Variants in PLEK2 observed in about 807,000 individuals in gnomAD.
PLEK2 encodes the protein pleckstrin 2, also known as pleckstrin-2.
A neutral mutation model predicts 43.8 loss-of-function variants in PLEK2; 29 were observed. The observed-to-expected ratio is 0.66, with a 90% CI of 0.49 to 0.90. PLEK2 has a LOEUF of 0.90. PLEK2 is among the 40% of genes least tolerant of loss of function. The pLI, the probability that PLEK2 is intolerant of heterozygous loss-of-function variation, is 0.00. For missense variants in PLEK2, 398 were observed against 448.1 expected (o/e 0.89, Z 1.01); for synonymous variants, 162 against 173.2 (o/e 0.94, Z 0.51).
intron 6 of PLEK2, among the ~76,000 whole-genome samples, chr14:67,391,645 T>C (rs1176098652): frequency 6.6e-6 from 1 of 152,310 alleles, no homozygotes; most frequent in Non-Finnish European, 1.5e-5. Flanking sequence ...GTATACAATA[T>C]GTGCACAAAC....
At position 67,387,454 on chromosome 14, in the gene PLEK2, C is replaced by A; in HGVS notation, c.937G>T (p.Val313Phe). 2 of 1,602,586 alleles carry A rather than the reference C, an allele frequency of 1.2e-6. No individual in the cohort carries two copies. The highest frequency in any genetic ancestry group is 1.7e-6 in the Non-Finnish European group (2 of 1,176,144). ...AGGTTTCCCTGGACATTCCCTTTAA[C>A]CCCTAGGCAGAAAAAAGGGGGAAAA... ...ALEDNGVPTG[V>F]KGNVQGNLFK... The change falls in exon 9 of 9, where the codon GTT becomes TTT. Residue 313 changes from valine to phenylalanine, a missense_variant and splice_region_variant. Transcript: ENST00000216446.
chr14:67,406,487 C>T (rs2086080070), intron 1 of PLEK2, among the ~76,000 whole-genome samples: 1 of 152,002 alleles, frequency 6.6e-6, no homozygotes, highest in African/African-American at 2.4e-5. Context: ...TGGGGAGACT[C>T]CCCGTGGTTC....
intron 2 of PLEK2, 139 bp downstream of exon 2, chr14:67,397,523 G>C: frequency 1.5e-6 from 1 of 661,102 alleles, no homozygotes; most frequent in Non-Finnish European, 2.5e-6. Flanking sequence ...CCTGGTATGT[G>C]GCGGAGCCAG....
chr14:67,402,186 C>T lies in PLEK2; in HGVS notation c.43-4360G>A, dbSNP rs181983545. Among the ~76,000 whole-genome samples, 27 of 152,232 alleles carry T rather than the reference C, an allele frequency of 1.8e-4. No homozygotes were observed. The East Asian group carries it at 2.9e-3, about 16-fold the overall frequency. On this transcript the variant is annotated intron_variant, in intron 1 of 8. Coordinates refer to ENST00000216446, the MANE Select transcript of PLEK2 (RefSeq NM_016445.3). ...TACAGAGATGTTATACTTTCCTGGA[C>T]GAAATGTTACATTTCCCAGAGTTTC...
rs2085959624 is a variant in PLEK2, at chr14:67,390,675, A to C, written c.843T>G (p.Tyr281Ter). The change falls in exon 7 of 9, where the codon TAT (tyrosine) becomes TAG (stop). Residue 281 changes from tyrosine (Y) to a stop codon, truncating the protein, a stop_gained. Transcript: ENST00000216446. LOFTEE classifies it high-confidence loss of function. ...LRKDPAFLHY[Y>*]DPSKEENRPV... ...CATGCGCACTCACTTTGGAAGGGTC[A>C]TAGTAATGCAGGAAAGCTGGATCCT... 1.9e-6 allele frequency: 3 copies of C among 1,611,534 alleles called. No homozygotes were observed. Among genetic ancestry groups the C allele is most frequent in the Admixed American group, 1.7e-5 (1 of 60,016 alleles).
chr14:67,409,057 A>G (rs2086099803), intron 1 of PLEK2, among the ~76,000 whole-genome samples: 1 of 150,542 alleles, frequency 6.6e-6, no homozygotes, highest in Non-Finnish European at 1.5e-5. Context: ...GCTATAAAAA[A>G]AAAAAAAGAA....
intron 1 of PLEK2, among the ~76,000 whole-genome samples, chr14:67,398,257 T>TG (rs1246847438): frequency 6.6e-6 from 1 of 152,186 alleles, no homozygotes; most frequent in Non-Finnish European, 1.5e-5. Context: ...AGACAAGGTC[T>TG]CAAAAGAGAC....
chr14:67,390,499 G>A lies in PLEK2; in HGVS notation c.855+164C>T, dbSNP rs113830214. Among the ~76,000 whole-genome samples, 660 of 152,336 alleles carry A rather than the reference G, an allele frequency of 4.3e-3. 3 individuals are homozygous for A. The highest frequency in any genetic ancestry group is 7.8e-3 in the Non-Finnish European group (529 of 68,034). Reference sequence around the variant, plus strand: ...AGAAGCAGGCACCTATGTGATGACAGGGCAGAGCAGCTTGGACTGTGGAAG... The same window carrying A: ...AGAAGCAGGCACCTATGTGATGACAAGGCAGAGCAGCTTGGACTGTGGAAG... On this transcript the variant is annotated intron_variant, in intron 7 of 8. Coordinates refer to ENST00000216446, the MANE Select transcript of PLEK2 (RefSeq NM_016445.3).
At chr14:67,404,406 C>T (rs957949544) in intron 1 of PLEK2, among the ~76,000 whole-genome samples, 8 of 150,848 alleles carry the variant, frequency 5.3e-5, no homozygotes, top group African/African-American at 1.7e-4. Context: ...GAGGATTGCC[C>T]ACGCCTAAAA....
At chr14:67,394,732 T>C (rs983776064) in intron 3 of PLEK2, among the ~76,000 whole-genome samples, 2 of 152,206 alleles carry the variant, frequency 1.3e-5, no homozygotes, top group Non-Finnish European at 2.9e-5. Flanking sequence ...AAATCCCCAA[T>C]GTGGCAATAT....
chr14:67,395,746 C>T (rs1211208807), intron 2 of PLEK2, among the ~76,000 whole-genome samples, 163 bp from the exon 3 acceptor site: 1 of 152,188 alleles, frequency 6.6e-6, no homozygotes, highest in Non-Finnish European at 1.5e-5. Context: ...ACTTGGACAC[C>T]TCCAGTGACA....
At chr14:67,392,993 G>C in intron 4 of PLEK2, 144 bp from the exon 5 acceptor site, 1 of 867,786 alleles carries the variant, frequency 1.2e-6, no homozygotes, top group Non-Finnish European at 1.9e-6. Context: ...CTGCTGCATA[G>C]AGCCGTGGCT....
At chr14:67,405,487 C>G (rs987574975) in intron 1 of PLEK2, among the ~76,000 whole-genome samples, 2 of 152,128 alleles carry the variant, frequency 1.3e-5, no homozygotes, top group Non-Finnish European at 2.9e-5. Context: ...ACACCTACCC[C>G]ACCCAGTATG....
intron 1 of PLEK2, among the ~76,000 whole-genome samples, chr14:67,399,607 C>G (rs1021787150): frequency 5.0e-5 from 7 of 140,874 alleles, no homozygotes; most frequent in African/African-American, 1.7e-4. Context: ...TTAGGTGGTT[C>G]TCAGGTGGCA....
intron 1 of PLEK2, among the ~76,000 whole-genome samples, chr14:67,408,157 A>T (rs951981252): frequency 6.6e-6 from 1 of 151,846 alleles, no homozygotes; most frequent in Non-Finnish European, 1.5e-5. Context: ...GTGGTGGTGC[A>T]TGCCTGTAAT....
At chr14:67,392,892 G>C (rs766265133) in intron 4 of PLEK2, 43 bp from the exon 5 acceptor site, 4 of 1,512,966 alleles carry the variant, frequency 2.6e-6, no homozygotes, top group Non-Finnish European at 3.6e-6. Flanking sequence ...TGATGGACCA[G>C]CGTCCTTGGG....
At chr14:67,397,312 T>A (rs2086018177) in intron 2 of PLEK2, among the ~76,000 whole-genome samples, 2 of 152,282 alleles carry the variant, frequency 1.3e-5, no homozygotes, top group South Asian at 2.1e-4. Context: ...ATGAAAGCCA[T>A]CATAGTGAAC....
At position 67,395,552 on chromosome 14, in the gene PLEK2, G is replaced by A. The variant is rs34300264; in HGVS notation, c.239C>T (p.Thr80Met). ...AGAACAGGCCTCCAGGAAGTACTCC[G>A]TGGATGTTTGAGTCTTCAGCTTAAT... ...LLIKLKTQTS[T>M]EYFLEACSRE... The change falls in exon 3 of 9, where the codon ACG becomes ATG. Residue 80 changes from threonine (T) to methionine (M), a missense_variant. Thr to Met is a moderately conservative substitution (Grantham distance 81, BLOSUM62 -1). Transcript: ENST00000216446. 0.024 allele frequency: 39,427 copies of A among 1,613,996 alleles called. 583 individuals are homozygous for A. The highest frequency in any genetic ancestry group is 0.028 in the Non-Finnish European group (33,454 of 1,179,866).
At chr14:67,409,348 G>T (rs1325598919) in intron 1 of PLEK2, among the ~76,000 whole-genome samples, 1 of 152,164 alleles carries the variant, frequency 6.6e-6, no homozygotes, top group Non-Finnish European at 1.5e-5. Context: ...TTTGAGACCA[G>T]CCTGGGCAAC....
Sources: gnomAD v4.1 joint callset for allele counts (sites outside exome capture counted in the v4.1 genomes callset) on GRCh38, gnomAD v4.1.1 for gene constraint, MANE v1.5 for transcripts, NCBI Gene and HGNC (gene_info 2026-07-23, HGNC 2026-07-21) for gene names.